The following GLB1L3 variants were observed in gnomAD, a reference collection of about 807,000 sequenced individuals.
The protein encoded by GLB1L3 is galactosidase beta 1 like 3.
In GLB1L3, 89 loss-of-function variants were observed where a neutral mutation model predicts 89.5. That is an observed-to-expected ratio of 0.99 (90% CI 0.84 to 1.19). The LOEUF is 1.19. GLB1L3 is among the 50% of genes most tolerant of loss of function. GLB1L3 has a pLI of 0.00. For synonymous variants in GLB1L3, 314 were observed against 312.3 expected (o/e 1.01, Z -0.06); for missense variants, 812 against 813.3 (o/e 1.00, Z 0.02).
At chr11:134,319,727 TGTGTGTGTGTGTGTGTGTGTGCGCGC>T (rs1565426752), downstream of GLB1L3, among the ~76,000 whole-genome samples, 75 of 132,456 alleles carry the variant, frequency 5.7e-4, 1 homozygote, top group Admixed American at 4.7e-3. Context: ...TCTGTGTATG[TGTGTGTGTGTGTGTGTGTGTGCGCGC>T]GCGCGTGCAT....
chr11:134,295,834 AT>A (rs2136159237), intron 9 of GLB1L3, among the ~76,000 whole-genome samples: 1 of 152,208 alleles, frequency 6.6e-6, no homozygotes, highest in South Asian at 2.1e-4. Flanking sequence ...ACTTCAAAAC[AT>A]TTTTTTAAAT....
rs1474254251 is a variant in GLB1L3 at position 134,314,357 on chromosome 11, C to T, written c.1695C>T (p.Val565=). ...TCCGCTCTGCCACCTGGAAGCCTGT[C>T]CCAGACAGCCACCAGGGCCCGGCCT... ...ERLRSATWKP[V]PDSHQGPAFY... The change falls in exon 18 of 20, where the codon GTC becomes GTT. Residue 565 remains valine (V), a synonymous_variant. Transcript: ENST00000431683. 1.3e-6 allele frequency: 2 copies of T among 1,551,066 alleles called. No homozygotes were observed. The highest frequency in any genetic ancestry group is 1.7e-6 in the Non-Finnish European group (2 of 1,146,750).
intron 10 of GLB1L3, among the ~76,000 whole-genome samples, chr11:134,308,208 C>CCACCACCACCATCACCACCAT (rs1565412314): frequency 3.7e-5 from 1 of 27,224 alleles, no homozygotes; most frequent in South Asian, 1.4e-3. Flanking sequence ...ACCACTACCA[C>CCACCACCACCATCACCACCAT]CACCACCATC....
intron 9 of GLB1L3, among the ~76,000 whole-genome samples, chr11:134,299,958 A>G (rs575301869): frequency 1.3e-5 from 2 of 152,232 alleles, no homozygotes; most frequent in African/African-American, 4.8e-5. Context: ...GCTGTTTCTC[A>G]GCTGATTGGG....
At chr11:134,320,505 C>G (rs983848192), downstream of GLB1L3, among the ~76,000 whole-genome samples, 2 of 152,124 alleles carry the variant, frequency 1.3e-5, no homozygotes, top group African/African-American at 2.4e-5. Flanking sequence ...AACAACCATG[C>G]AACATATCCA....
At chr11:134,313,308 C>T (rs1942830904) in intron 15 of GLB1L3, 88 bp from the exon 16 acceptor site, 6 of 952,176 alleles carry the variant, frequency 6.3e-6, no homozygotes, top group South Asian at 1.4e-5. Flanking sequence ...CCATGTGTCT[C>T]TCCATGTGGG....
intron 13 of GLB1L3, 73 bp downstream of exon 13, chr11:134,311,243 T>C: frequency 1.3e-5 from 14 of 1,094,908 alleles, no homozygotes; most frequent in Non-Finnish European, 2.0e-5. Context: ...CAGGAAACTT[T>C]TTATTAGGAA....
chr11:134,323,056 C>A (rs549337496), downstream of GLB1L3, among the ~76,000 whole-genome samples: 1 of 152,152 alleles, frequency 6.6e-6, no homozygotes, highest in Non-Finnish European at 1.5e-5. Flanking sequence ...TTTCTAAGTT[C>A]GCCACATCCT....
At chr11:134,281,808 C>T (rs1051053885) in intron 4 of GLB1L3, among the ~76,000 whole-genome samples, 1 of 143,604 alleles carries the variant, frequency 7.0e-6, no homozygotes. Flanking sequence ...TGGGTGTCAC[C>T]CTTCCTCCTC....
intron 7 of GLB1L3, among the ~76,000 whole-genome samples, chr11:134,290,018 G>A (rs1941258128): frequency 6.6e-6 from 1 of 152,204 alleles, no homozygotes; most frequent in African/African-American, 2.4e-5. Flanking sequence ...GTCCCCAGCT[G>A]GGCAAAGTGG....
At chr11:134,308,617 T>TATCACCACCATCACCATCACCACC (rs1942541283) in intron 10 of GLB1L3, among the ~76,000 whole-genome samples, 3 of 54,186 alleles carry the variant, frequency 5.5e-5, no homozygotes, top group Non-Finnish European at 1.1e-4. Flanking sequence ...CCACCACCAC[T>TATCACCACCATCACCATCACCACC]ATCACCACCA....
downstream of GLB1L3, among the ~76,000 whole-genome samples, chr11:134,323,604 A>G (rs576767463): frequency 2.5e-4 from 38 of 152,078 alleles, no homozygotes; most frequent in South Asian, 5.0e-3. Flanking sequence ...CTTAAATTGT[A>G]TGTGCATTTC....
intron 6 of GLB1L3, chr11:134,287,264 T>A (rs542693304): frequency 6.6e-6 from 1 of 152,246 alleles, no homozygotes; most frequent in Non-Finnish European, 1.5e-5. Context: ...AAAGCTAATT[T>A]ACAGGCATCC....
intron 8 of GLB1L3, 74 bp from the exon 9 acceptor site, chr11:134,293,071 C>G (rs568471469): frequency 8.0e-7 from 1 of 1,243,192 alleles, no homozygotes; most frequent in East Asian, 2.3e-5. Context: ...GCGTCCGGGC[C>G]GGGGGCGCAT....
intron 6 of GLB1L3, among the ~76,000 whole-genome samples, chr11:134,286,432 C>T (rs925929174): frequency 2.6e-5 from 4 of 152,200 alleles, no homozygotes; most frequent in African/African-American, 9.6e-5. Flanking sequence ...TGTCTGTTTG[C>T]ATTTCTGCAA....
In GLB1L3 at chr11:134,293,063, G is replaced by A. The variant is rs143362516; in HGVS notation, c.812-82G>A. On this transcript the variant is annotated intron_variant, in intron 8 of 19. Transcript: ENST00000431683. ...CTGAGCATGGGTTCCTCCTGCGTGCGTCCGGGCCGGGGGCGCATTCCTTCC... is the reference window on the plus strand; with the variant it reads ...CTGAGCATGGGTTCCTCCTGCGTGCATCCGGGCCGGGGGCGCATTCCTTCC... 31 of 1,123,872 alleles carry A rather than the reference G, an allele frequency of 2.8e-5. No homozygotes were observed. The East Asian group carries it at 3.8e-4, about 14-fold the overall frequency. The allele number at this position is 1,123,872 out of a possible 1,614,324, so 69.6% of individuals were successfully genotyped here.
intron 7 of GLB1L3, among the ~76,000 whole-genome samples, chr11:134,289,869 T>C (rs1303427420): frequency 6.6e-6 from 1 of 151,908 alleles, no homozygotes; most frequent in African/African-American, 2.4e-5. Context: ...GAGTTCAGTC[T>C]CAACTGAACC....
In GLB1L3 at chr11:134,310,598, G is replaced by T; in HGVS notation, c.1127G>T (p.Gly376Val). 6.2e-7 allele frequency: 1 copy of T among 1,613,446 alleles called. No homozygotes were observed. Among genetic ancestry groups the T allele is most frequent in the Non-Finnish European group, 8.5e-7 (1 of 1,179,652 alleles). Residue 376 changes from glycine to valine, a missense_variant, in exon 12 of 20, where the codon GGA (glycine) becomes GTA (valine). Gly to Val is a moderately radical substitution (Grantham distance 109, BLOSUM62 -3). Coordinates refer to ENST00000431683, the MANE Select transcript of GLB1L3 (RefSeq NM_001080407.3). The part of the protein sequence containing the change: ...YDYDAVLTEA[G>V]DYTEKYLKLQ... ...TATGATGCAGTGCTCACGGAGGCTG[G>T]AGATTACACAGAAAAATATCTGAAG...
Position 134,310,888 on chromosome 11 carries a change from T to C in GLB1L3, c.1181-176T>C, listed in dbSNP as rs539870797. 350 of 635,222 alleles carry C rather than the reference T, an allele frequency of 5.5e-4. 1 individual carries two copies. The highest frequency in any genetic ancestry group is 1.2e-3 in the Admixed American group (42 of 35,872). The allele number at this position is 635,222 out of a possible 1,614,324, so 39.3% of individuals were successfully genotyped here. A position where few individuals can be genotyped will look rare whatever the true frequency, so the allele number is the denominator to read the frequency against. Reference sequence around the variant, plus strand: ...TCACTGAAGCATAAAGATAGTAACCTTGGTCTCCTGTGATGACTGCGAAGA... The same window carrying C: ...TCACTGAAGCATAAAGATAGTAACCCTGGTCTCCTGTGATGACTGCGAAGA... On this transcript the variant is annotated intron_variant, in intron 12 of 19. Coordinates refer to ENST00000431683, the MANE Select transcript of GLB1L3 (RefSeq NM_001080407.3).
Sources: gnomAD v4.1 joint callset for allele counts (sites outside exome capture counted in the v4.1 genomes callset) on GRCh38, gnomAD v4.1.1 for gene constraint, MANE v1.5 for transcripts, NCBI Gene and HGNC (gene_info 2026-07-23, HGNC 2026-07-21) for gene names.